Variants in DMD observed in about 807,000 individuals in gnomAD.
DMD encodes mutant dystrophin.
Under a neutral mutation model 330.1 loss-of-function variants are expected in DMD, and 63 were observed. The ratio of observed to expected loss-of-function variants is 0.19; its 90% CI spans 0.16 to 0.24. The LOEUF (loss-of-function observed/expected upper bound fraction) is 0.24. DMD is among the 10% of genes least tolerant of loss of function. The pLI, the probability that DMD is intolerant of heterozygous loss-of-function variation, is 1.00. For synonymous variants in DMD, 1,223 were observed against 959.8 expected (o/e 1.27, Z -5.07); for missense variants, 3,344 against 2,684.1 (o/e 1.25, Z -5.43).
chrX:31,562,815 C>A (rs1834921457), intron 55 of DMD, among the ~76,000 whole-genome samples: 1 of 111,353 alleles, frequency 9.0e-6, no homozygotes, highest in East Asian at 2.8e-4. Context: ...TTCCTTATAG[C>A]TTTTGAGTTT....
intron 50 of DMD, among the ~76,000 whole-genome samples, chrX:31,779,758 G>A (rs1184065007): frequency 9.1e-6 from 1 of 110,390 alleles, no homozygotes; most frequent in East Asian, 2.8e-4. Context: ...GAGAGAGAGG[G>A]CATCTGAATA....
At chrX:33,216,168 G>A (rs746539247), upstream of DMD, among the ~76,000 whole-genome samples, 4 of 111,920 alleles carry the variant, frequency 3.6e-5, no homozygotes, top group Non-Finnish European at 7.5e-5. Flanking sequence ...AGCATGAAAT[G>A]TTTTGCATTT....
At chrX:32,902,712 T>G (rs777307600) in intron 2 of DMD, among the ~76,000 whole-genome samples, 1 of 110,667 alleles carries the variant, frequency 9.0e-6, no homozygotes, top group Admixed American at 9.6e-5. Flanking sequence ...AAGACACTTG[T>G]CAGCTCCTAG....
At chrX:31,265,895 A>T (rs1338726709) in intron 62 of DMD, among the ~76,000 whole-genome samples, 1 of 108,560 alleles carries the variant, frequency 9.2e-6, no homozygotes, top group Admixed American at 9.8e-5. Context: ...GCCACTTAAA[A>T]GTTCACCACT....
chrX:31,242,288 A>AAAAAAAAAT, intron 63 of DMD, among the ~76,000 whole-genome samples: 2 of 104,920 alleles, frequency 1.9e-5, no homozygotes, highest in African/African-American at 7.1e-5. Flanking sequence ...AAAAAAAAAA[A>AAAAAAAAAT]AAATCTGGAG....
At chrX:32,674,798 T>A (rs2061861436) in intron 9 of DMD, among the ~76,000 whole-genome samples, 1 of 111,390 alleles carries the variant, frequency 9.0e-6, no homozygotes, top group African/African-American at 3.3e-5. Context: ...AGGGTAGGCT[T>A]AGATTAACAG....
At chrX:32,888,730 T>TCA (rs751986992) in intron 2 of DMD, among the ~76,000 whole-genome samples, 18 of 112,103 alleles carry the variant, frequency 1.6e-4, no homozygotes, top group African/African-American at 5.5e-4. Flanking sequence ...GTGGCAGTAT[T>TCA]CACATTAGAC....
chrX:31,599,017 A>G (rs2077228173), intron 55 of DMD, among the ~76,000 whole-genome samples: 1 of 112,028 alleles, frequency 8.9e-6, no homozygotes, highest in African/African-American at 3.2e-5. Context: ...GCTTTTTAAA[A>G]GAAGAGATTT....
chrX:32,694,910 C>T (rs1014439661), intron 9 of DMD, among the ~76,000 whole-genome samples: 5 of 112,005 alleles, frequency 4.5e-5, no homozygotes, highest in African/African-American at 1.6e-4. Context: ...CCACCTTGGC[C>T]TCCCAAAGTA....
intron 33 of DMD, among the ~76,000 whole-genome samples, chrX:32,383,866 C>G (rs1445526912): frequency 9.1e-6 from 1 of 109,476 alleles, no homozygotes; most frequent in African/African-American, 3.3e-5. Context: ...TTGATTTATT[C>G]TGTTATTTTA....
intron 44 of DMD, among the ~76,000 whole-genome samples, chrX:32,017,302 G>C (rs1171269929): frequency 1.8e-5 from 2 of 111,912 alleles, no homozygotes; most frequent in Admixed American, 1.9e-4. Flanking sequence ...TTCAAAAAGG[G>C]GCCAAGGTAA....
At chrX:32,237,306 T>C (rs1260095406) in intron 43 of DMD, among the ~76,000 whole-genome samples, 1 of 111,635 alleles carries the variant, frequency 9.0e-6, no homozygotes, top group Non-Finnish European at 1.9e-5. Context: ...TCATATATTA[T>C]ACTCTTACAC....
Position 32,200,103 on chromosome X carries a change from C to G in DMD, c.6438+16813G>C, listed in dbSNP as rs2097027356. ...TATATCTGTTTTCTAAATCAGCACA[C>G]CAACTGTGAACTCTGCACTTTTGAA... On this transcript the variant is annotated intron_variant, in intron 44 of 78. Transcript: ENST00000357033. Among the ~76,000 whole-genome samples the G allele has an allele frequency of 2.7e-5, 3 of 111,249 alleles. No individual in the cohort carries two copies. In the South Asian group the frequency reaches 1.1e-3, roughly 42 times the overall value.
At chrX:31,324,064 C>T (rs1413371145) in intron 61 of DMD, among the ~76,000 whole-genome samples, 1 of 110,723 alleles carries the variant, frequency 9.0e-6, no homozygotes, top group East Asian at 2.8e-4. Context: ...CTGAAATATC[C>T]CTCTGTGATA....
At chrX:32,827,877 T>C (rs991287632) in intron 4 of DMD, among the ~76,000 whole-genome samples, 1 of 110,781 alleles carries the variant, frequency 9.0e-6, no homozygotes, top group Non-Finnish European at 1.9e-5. Flanking sequence ...GTCAGGCTGG[T>C]CTCGAACTCC....
At chrX:31,517,169 G>A (rs1382941449) in intron 55 of DMD, among the ~76,000 whole-genome samples, 1 of 111,806 alleles carries the variant, frequency 8.9e-6, no homozygotes, top group Admixed American at 9.5e-5. Flanking sequence ...CCTATTGTAT[G>A]TCTATAAGTA....
Position 32,891,101 on chromosome X carries a change from C to T in DMD, c.94-41281G>A, listed in dbSNP as rs1304811269. ...TTATTTTCACTTTTTAAAGTGGCTA[C>T]TCAAAAAGTTTAAATTACATATATA... is the stretch of plus-strand genomic sequence containing the variant. On this transcript the variant is annotated intron_variant, in intron 2 of 78. Transcript: ENST00000357033. Among the ~76,000 whole-genome samples the T allele has an allele frequency of 7.1e-5, 8 of 112,428 alleles. No homozygotes were observed. In the East Asian group the frequency reaches 2.2e-3, roughly 31 times the overall value.
intron 52 of DMD, among the ~76,000 whole-genome samples, chrX:31,712,910 T>G (rs1292484000): frequency 2.7e-5 from 3 of 111,276 alleles, no homozygotes; most frequent in African/African-American, 9.8e-5. Context: ...AATATATTAA[T>G]CAATACTTCA....
At chrX:31,224,721 T>G (rs1222944409) in intron 63 of DMD, among the ~76,000 whole-genome samples, 1 of 112,104 alleles carries the variant, frequency 8.9e-6, no homozygotes, top group Non-Finnish European at 1.9e-5. Flanking sequence ...TTCATAATAG[T>G]CAAAAACCGG....
Sources: gnomAD v4.1 joint callset for allele counts (sites outside exome capture counted in the v4.1 genomes callset) on GRCh38, gnomAD v4.1.1 for gene constraint, MANE v1.5 for transcripts, NCBI Gene and HGNC (gene_info 2026-07-23, HGNC 2026-07-21) for gene names.